The following PDE4B variants were observed in gnomAD, a reference collection of about 807,000 sequenced individuals.
The protein encoded by PDE4B is 3',5'-cyclic-AMP phosphodiesterase 4B.
A neutral mutation model predicts 82.2 loss-of-function variants in PDE4B; 20 were observed. The ratio of observed to expected loss-of-function variants is 0.24; its 90% CI spans 0.17 to 0.35. The LOEUF is 0.35. PDE4B is among the 10% of genes least tolerant of loss of function. PDE4B has a pLI of 1.00. For synonymous variants in PDE4B, 320 were observed against 318.9 expected, an observed-to-expected ratio of 1.00 and a Z score of -0.04; for missense variants, 655 against 907.2, an observed-to-expected ratio of 0.72 and a Z score of 3.57.
intron 3 of PDE4B, among the ~76,000 whole-genome samples, chr1:65,999,893 T>C (rs1651768036): frequency 6.6e-6 from 1 of 152,226 alleles, no homozygotes; most frequent in Non-Finnish European, 1.5e-5. Flanking sequence ...GGAAGCTTTG[T>C]TGATACTTAC....
At chr1:66,193,703 C>A (rs1438282901) in intron 3 of PDE4B, among the ~76,000 whole-genome samples, 3 of 152,046 alleles carry the variant, frequency 2.0e-5, no homozygotes, top group Non-Finnish European at 2.9e-5. Flanking sequence ...TGTTTAAATT[C>A]TTTAAATTGT....
At chr1:66,149,027 G>A (rs755545264) in intron 3 of PDE4B, among the ~76,000 whole-genome samples, 11 of 152,196 alleles carry the variant, frequency 7.2e-5, no homozygotes, top group Non-Finnish European at 1.3e-4. Context: ...TGGTAACTAT[G>A]TTTAACCTTT....
chr1:65,819,976 G>T (rs1001202537), intron 1 of PDE4B, among the ~76,000 whole-genome samples: 9 of 152,172 alleles, frequency 5.9e-5, no homozygotes, highest in African/African-American at 2.2e-4. Flanking sequence ...GCAAGAGATT[G>T]ATTAGACAAA....
At chr1:65,991,636 C>G (rs1651250262) in intron 3 of PDE4B, among the ~76,000 whole-genome samples, 1 of 152,132 alleles carries the variant, frequency 6.6e-6, no homozygotes, top group African/African-American at 2.4e-5. Flanking sequence ...TCCTCATATG[C>G]CTTTTAAAGT....
chr1:66,223,673 T>G (rs1262614103), intron 3 of PDE4B, among the ~76,000 whole-genome samples: 1 of 152,110 alleles, frequency 6.6e-6, no homozygotes, highest in Non-Finnish European at 1.5e-5. Flanking sequence ...TGCAGTGTTC[T>G]TTTTTCATTC....
At chr1:66,201,012 T>A (rs1648877751) in intron 3 of PDE4B, among the ~76,000 whole-genome samples, 1 of 152,210 alleles carries the variant, frequency 6.6e-6, no homozygotes, top group Non-Finnish European at 1.5e-5. Context: ...TATTTTGAGA[T>A]ACATCCCATC....
intron 3 of PDE4B, among the ~76,000 whole-genome samples, chr1:66,087,297 T>A (rs1657052183): frequency 6.6e-6 from 1 of 152,142 alleles, no homozygotes; most frequent in Non-Finnish European, 1.5e-5. Context: ...GGAAGTCAGT[T>A]AAGAGTTTAC....
intron 3 of PDE4B, among the ~76,000 whole-genome samples, chr1:66,149,245 T>G (rs565201371): frequency 2.0e-5 from 3 of 152,352 alleles, no homozygotes; most frequent in Admixed American, 1.3e-4. Flanking sequence ...TCTTTTCATG[T>G]GCTAATGGCC....
intron 3 of PDE4B, chr1:65,992,837 C>A: frequency 6.4e-7 from 1 of 1,557,594 alleles, no homozygotes; most frequent in South Asian, 1.2e-5. Flanking sequence ...GTCTTCTGAC[C>A]TGCAGCAGTG....
At chr1:66,367,432 G>A in intron 13 of PDE4B, 1 of 282,222 alleles carries the variant, frequency 3.5e-6, no homozygotes, top group Non-Finnish European at 6.6e-6. Flanking sequence ...TTCTTCATCT[G>A]AGATATAGAA....
intron 3 of PDE4B, among the ~76,000 whole-genome samples, chr1:66,241,008 G>A (rs186512755): frequency 3.3e-4 from 50 of 152,324 alleles, no homozygotes; most frequent in Non-Finnish European, 5.0e-4. Flanking sequence ...GAGCCTTTCT[G>A]TGGAGAAAGC....
At chr1:66,109,178 A>G (rs1557568340) in intron 3 of PDE4B, among the ~76,000 whole-genome samples, 1 of 151,974 alleles carries the variant, frequency 6.6e-6, no homozygotes, top group African/African-American at 2.4e-5. Context: ...AGACCAACAG[A>G]TGTTTTGAGA....
intron 7 of PDE4B, among the ~76,000 whole-genome samples, chr1:66,278,548 G>A (rs1429899323): frequency 6.6e-6 from 1 of 152,198 alleles, no homozygotes; most frequent in Non-Finnish European, 1.5e-5. Context: ...CTCACCAAAA[G>A]AGCCAGTCAT....
chr1:66,047,308 C>G (rs1456056488), intron 3 of PDE4B, among the ~76,000 whole-genome samples: 1 of 151,850 alleles, frequency 6.6e-6, no homozygotes, highest in African/African-American at 2.4e-5. Flanking sequence ...GATAAAATGA[C>G]ACCTACCTTA....
At position 66,097,705 on chromosome 1, in the gene PDE4B, T is replaced by C. The variant is rs929957221; in HGVS notation, c.282-149755T>C. Among the ~76,000 whole-genome samples, 3 of 152,126 alleles carry C rather than the reference T, an allele frequency of 2.0e-5. No individual in the cohort carries two copies. The East Asian group carries it at 5.8e-4, about 29-fold the overall frequency. On this transcript the variant is annotated intron_variant, in intron 3 of 16. Transcript: ENST00000341517. Reference sequence around the variant, plus strand: ...TATCTTCTTGAACAAATGAAACATTTGTAGTACTTTTTTAAAAAGATCCTT... The same window carrying C: ...TATCTTCTTGAACAAATGAAACATTCGTAGTACTTTTTTAAAAAGATCCTT...
intron 3 of PDE4B, among the ~76,000 whole-genome samples, chr1:65,962,624 AG>A (rs1649600059): frequency 6.6e-6 from 1 of 152,182 alleles, no homozygotes; most frequent in African/African-American, 2.4e-5. Flanking sequence ...AAAGCTGATT[AG>A]GAAGCTATCT....
intron 3 of PDE4B, among the ~76,000 whole-genome samples, chr1:66,094,224 C>G (rs1442519008): frequency 2.6e-5 from 4 of 151,982 alleles, no homozygotes; most frequent in African/African-American, 4.8e-5. Context: ...ATCTCAAATA[C>G]TGAGACATAC....
intron 3 of PDE4B, among the ~76,000 whole-genome samples, chr1:66,124,845 C>T (rs1432830173): frequency 6.6e-6 from 1 of 152,034 alleles, no homozygotes; most frequent in African/African-American, 2.4e-5. Context: ...CCTCCCACAT[C>T]CCAAAGATAT....
At chr1:66,038,490 C>T (rs1654182150) in intron 3 of PDE4B, among the ~76,000 whole-genome samples, 1 of 151,654 alleles carries the variant, frequency 6.6e-6, no homozygotes, top group Admixed American at 6.6e-5. Flanking sequence ...AGATTGGCAA[C>T]CCTCGGCATT....
Sources: allele counts gnomAD v4.1 joint callset (sites outside exome capture counted in the v4.1 genomes callset), GRCh38; gene constraint gnomAD v4.1.1; transcripts MANE v1.5; gene names NCBI Gene and HGNC (gene_info 2026-07-23, HGNC 2026-07-21).